Variants in COL27A1 observed in about 807,000 individuals in gnomAD.
COL27A1 encodes collagen type XXVII alpha 1 chain.
A neutral mutation model predicts 251.3 loss-of-function variants in COL27A1; 106 were observed. The ratio of observed to expected loss-of-function variants is 0.42; its 90% CI spans 0.36 to 0.50. The LOEUF (loss-of-function observed/expected upper bound fraction) is 0.50, where lower values mean the gene tolerates loss of function less well. Ranked by LOEUF, COL27A1 falls within the 20% of genes least tolerant of loss-of-function variation. COL27A1 has a pLI of 0.00. For missense variants in COL27A1, 2,325 were observed against 2,522.8 expected (o/e 0.92, Z 1.68); for synonymous variants, 1,000 against 986.3 (o/e 1.01, Z -0.26).
intron 39 of COL27A1, 136 bp from the exon 40 acceptor site, chr9:114,283,573 T>C (rs1309365163): frequency 2.7e-6 from 2 of 734,078 alleles, no homozygotes; most frequent in African/African-American, 3.5e-5. Context: ...TTCCGCCTTG[T>C]TCACACACTT....
At chr9:114,173,381 G>A (rs1849461938) in intron 3 of COL27A1, among the ~76,000 whole-genome samples, 1 of 152,260 alleles carries the variant, frequency 6.6e-6, no homozygotes, top group African/African-American at 2.4e-5. Context: ...TGATCCTTAC[G>A]AAATGCAGGT....
At chr9:114,174,499 C>A (rs1192259491) in intron 3 of COL27A1, among the ~76,000 whole-genome samples, 1 of 152,104 alleles carries the variant, frequency 6.6e-6, no homozygotes, top group Non-Finnish European at 1.5e-5. Context: ...AGAAATATAC[C>A]CTGTCCTCCC....
At chr9:114,264,797 C>G in intron 29 of COL27A1, 127 bp from the exon 30 acceptor site, 2 of 1,004,166 alleles carry the variant, frequency 2.0e-6, no homozygotes, top group Non-Finnish European at 2.9e-6. Context: ...CCATCTGCAC[C>G]ATGGAAAGGG....
At chr9:114,212,194 C>T (rs1205133966) in intron 12 of COL27A1, among the ~76,000 whole-genome samples, 2 of 152,256 alleles carry the variant, frequency 1.3e-5, no homozygotes, top group Non-Finnish European at 2.9e-5. Flanking sequence ...AGGTCCAACA[C>T]CTGACACCTA....
intron 15 of COL27A1, among the ~76,000 whole-genome samples, chr9:114,231,535 A>C (rs115868112): frequency 0.016 from 2,429 of 152,166 alleles, 73 homozygotes; most frequent in African/African-American, 0.055. Context: ...GGGCGACCAA[A>C]TTTAACCAAC....
intron 36 of COL27A1, 23 bp from the exon 37 acceptor site, chr9:114,275,638 C>A (rs1376074135): frequency 4.0e-6 from 6 of 1,484,468 alleles, no homozygotes; most frequent in East Asian, 2.5e-5. Flanking sequence ...CTCTCTCTCC[C>A]CTCTTCATGC....
At chr9:114,291,354 C>G (rs1827902927) in intron 48 of COL27A1, among the ~76,000 whole-genome samples, 2 of 152,324 alleles carry the variant, frequency 1.3e-5, no homozygotes, top group East Asian at 1.9e-4. Flanking sequence ...TTCTTGCCCT[C>G]TCTGAGCTCG....
At chr9:114,268,984 A>G in intron 34 of COL27A1, 1 of 434,320 alleles carries the variant, frequency 2.3e-6, no homozygotes, top group Admixed American at 4.1e-5. Context: ...CAGTACAGTT[A>G]GTTATTAATA....
At position 114,300,704 on chromosome 9, in the gene COL27A1, C is replaced by A; in HGVS notation, c.4701+17C>A. ...GGCTTGATGGTGAGTTCCCTCCCTG[C>A]TGTCGGAGCAGAGATGATTGTCCTA... On this transcript the variant is annotated intron_variant, in intron 51 of 60. Transcript: ENST00000356083. 6.7e-7 allele frequency: 1 copy of A among 1,492,334 alleles called. No individual in the cohort carries two copies. Among genetic ancestry groups the A allele is most frequent in the Non-Finnish European group, 8.9e-7 (1 of 1,122,404 alleles). The allele number at this position is 1,492,334 out of a possible 1,614,324, so 92.4% of individuals were successfully genotyped here.
chr9:114,274,817 T>TATG (rs951515082), intron 36 of COL27A1, among the ~76,000 whole-genome samples: 2 of 151,812 alleles, frequency 1.3e-5, no homozygotes, highest in African/African-American at 4.8e-5. Flanking sequence ...ACCTACCATT[T>TATG]ATTATTATTA....
At chr9:114,302,307 TAA>T (rs889135343) in intron 56 of COL27A1, among the ~76,000 whole-genome samples, 199 bp downstream of exon 56, 2 of 152,136 alleles carry the variant, frequency 1.3e-5, no homozygotes, top group Non-Finnish European at 2.9e-5. Context: ...GCAGGAAACC[TAA>T]GTTTTTGAGT....
At chr9:114,295,526 G>C (rs534801491) in intron 49 of COL27A1, among the ~76,000 whole-genome samples, 12 of 152,332 alleles carry the variant, frequency 7.9e-5, no homozygotes, top group Non-Finnish European at 1.5e-4. Context: ...AATGGCACTT[G>C]ATTTCAAGAC....
intron 27 of COL27A1, among the ~76,000 whole-genome samples, chr9:114,255,609 C>T (rs1833865491): frequency 6.6e-6 from 1 of 152,174 alleles, no homozygotes; most frequent in Non-Finnish European, 1.5e-5. Context: ...CACTCACCTC[C>T]CCACCCCACC....
intron 39 of COL27A1, 118 bp downstream of exon 39, chr9:114,282,682 C>T: frequency 1.5e-6 from 1 of 650,680 alleles, no homozygotes; most frequent in Non-Finnish European, 2.5e-6. Context: ...ATTAGCTGAA[C>T]ACCTGGTGCT....
rs150409372 is a variant in COL27A1 at position 114,230,305 on chromosome 9, G to C, written c.2467-774G>C. ...GACGGTGTGGAGTTTGCAGACGGCA[G>C]CTCAGCCTGGCTGAGTGCTTCCCAG... On this transcript the variant is annotated intron_variant, in intron 14 of 60. Transcript: ENST00000356083. Among the ~76,000 whole-genome samples, 366 of 152,258 alleles carry C rather than the reference G, an allele frequency of 2.4e-3. 1 individual carries two copies. The highest frequency in any genetic ancestry group is 3.7e-3 in the Non-Finnish European group (255 of 68,022).
At chr9:114,283,607 C>A in intron 39 of COL27A1, 102 bp from the exon 40 acceptor site, 2 of 1,059,136 alleles carry the variant, frequency 1.9e-6, no homozygotes, top group Non-Finnish European at 2.9e-6. Context: ...CATGGATGTG[C>A]CAGGCTGCTG....
intron 24 of COL27A1, among the ~76,000 whole-genome samples, chr9:114,248,174 C>A (rs1044613072): frequency 3.9e-5 from 6 of 152,228 alleles, no homozygotes; most frequent in Non-Finnish European, 8.8e-5. Context: ...TGAAAACTCT[C>A]CGACCTCCTG....
intron 16 of COL27A1, among the ~76,000 whole-genome samples, chr9:114,234,488 T>C (rs1213243987): frequency 6.6e-6 from 1 of 152,070 alleles, no homozygotes; most frequent in Non-Finnish European, 1.5e-5. Context: ...AGAGTGTCAG[T>C]AATGTCCAAC....
chr9:114,167,076 C>A (rs2135064872), intron 2 of COL27A1, among the ~76,000 whole-genome samples: 1 of 152,308 alleles, frequency 6.6e-6, no homozygotes, highest in African/African-American at 2.4e-5. Flanking sequence ...CCTAGGACAT[C>A]TTTACCAAGC....
Sources: gnomAD v4.1 joint callset for allele counts (sites outside exome capture counted in the v4.1 genomes callset) on GRCh38, gnomAD v4.1.1 for gene constraint, MANE v1.5 for transcripts, NCBI Gene and HGNC (gene_info 2026-07-23, HGNC 2026-07-21) for gene names.